Variants in CST1 observed in about 807,000 individuals in gnomAD.
CST1 encodes cystatin-SN.
A neutral mutation model predicts 10.7 loss-of-function variants in CST1; 19 were observed. The observed-to-expected ratio is 1.78, with a 90% CI of 1.24 to 2.61. The LOEUF is 2.61. CST1 is among the 30% of genes most tolerant of loss of function. The pLI is 0.00. For synonymous variants in CST1, 95 were observed against 72.8 expected, an observed-to-expected ratio of 1.31 and a Z score of -1.55; for missense variants, 247 against 178.1, an observed-to-expected ratio of 1.39 and a Z score of -2.20.
intron 1 of CST1, 58 bp downstream of exon 1, chr20:23,750,581 G>C (rs1982803426): frequency 6.8e-7 from 1 of 1,465,510 alleles, no homozygotes; most frequent in Admixed American, 1.7e-5. Context: ...ATGCTCTTGG[G>C]GGTTGGGGAA....
rs935112598 is a variant in CST1, at chr20:23,748,023, C to T, written c.343-124G>A. On this transcript the variant is annotated intron_variant, in intron 2 of 2. Transcript: ENST00000304749. ...GTGAGACACTGGGCCCTCACCCACC[C>T]CTACTGAGTCCCAGAGTGCTGAACT... The T allele has an allele frequency of 3.0e-5, 27 of 887,354 alleles. No homozygotes were observed. In the Admixed American group the frequency reaches 5.3e-4, roughly 17 times the overall value. The allele number at this position is 887,354 out of a possible 1,614,324, so 55.0% of individuals were successfully genotyped here. A position where few individuals can be genotyped will look rare whatever the true frequency, so the allele number is the denominator to read the frequency against.
chr20:23,748,398 T>C (rs1282861506), intron 2 of CST1, among the ~76,000 whole-genome samples: 1 of 152,106 alleles, frequency 6.6e-6, no homozygotes, highest in Non-Finnish European at 1.5e-5. Flanking sequence ...GAGAGGCTGG[T>C]GTTGGGTGAG....
Position 23,747,667 on chromosome 20 carries a change from C to A in CST1, c.*149G>T, listed in dbSNP as rs1212996275. On this transcript the variant is annotated 3_prime_UTR_variant, in exon 3 of 3. Transcript: ENST00000304749. ...GAGGGCAGAGCGCCCTGCTGAGCAA[C>A]AAAGGACTCCTGCAGCCTTCTCTGT... The A allele has an allele frequency of 1.4e-6, 1 of 698,728 alleles. No homozygotes were observed. The highest frequency in any genetic ancestry group is 2.5e-6 in the Non-Finnish European group (1 of 406,676). The allele number at this position is 698,728 out of a possible 1,614,324, so 43.3% of individuals were successfully genotyped here.
In CST1 at chr20:23,750,812, G is replaced by C; in HGVS notation, c.55C>G (p.Leu19Val). The part of the protein sequence containing the change: ...LLLLATLAVA[L>V]AWSPKEEDRI... The stretch of plus-strand genomic sequence containing the variant: ...TCCTCCTCCTTGGGGCTCCAGGCCA[G>C]GGCCACAGCTAGGGTGGCCAGCAGG... Residue 19 changes from leucine to valine, a missense_variant, in exon 1 of 3, where the codon CTG becomes GTG. Coordinates refer to ENST00000304749, the MANE Select transcript of CST1 (RefSeq NM_001898.3). 2 of 1,614,106 alleles carry C rather than the reference G, an allele frequency of 1.2e-6. No homozygotes were observed. Among genetic ancestry groups the C allele is most frequent in the Non-Finnish European group, 1.7e-6 (2 of 1,179,992 alleles).
chr20:23,750,029 T>C (rs1224798931), intron 1 of CST1, among the ~76,000 whole-genome samples: 1 of 151,834 alleles, frequency 6.6e-6, no homozygotes, highest in Non-Finnish European at 1.5e-5. Flanking sequence ...GTTGCCCTGC[T>C]GAAGCTCCCT....
At position 23,750,820 on chromosome 20, in the gene CST1, G is replaced by T. The variant is rs1340223133; in HGVS notation, c.47C>A (p.Ala16Asp). ...CTTGGGGCTCCAGGCCAGGGCCACAGCTAGGGTGGCCAGCAGGAGCAGCAG... is the reference window on the plus strand; with the variant it reads ...CTTGGGGCTCCAGGCCAGGGCCACATCTAGGGTGGCCAGCAGGAGCAGCAG... ...STLLLLLATL[A>D]VALAWSPKEE... Residue 16 changes from alanine to aspartate, a missense_variant, in exon 1 of 3, where the codon GCT becomes GAT. Coordinates refer to ENST00000304749, the MANE Select transcript of CST1 (RefSeq NM_001898.3). 1.9e-6 allele frequency: 3 copies of T among 1,613,876 alleles called. No homozygotes were observed. In the East Asian group the frequency reaches 6.7e-5, roughly 36 times the overall value.
chr20:23,749,045 C>T lies in CST1; in HGVS notation c.313G>A (p.Ala105Thr). 1 of 1,614,168 alleles carries T rather than the reference C, an allele frequency of 6.2e-7. No individual in the cohort carries two copies. Among genetic ancestry groups the T allele is most frequent in the Non-Finnish European group, 8.5e-7 (1 of 1,180,040 alleles). Reference protein sequence around the residue: ...TKSQPNLDTCAFHEQPELQKK... With the variant: ...TKSQPNLDTCTFHEQPELQKK... ...TGCAGTTCTGGCTGTTCATGGAAGGCACAGGTGTCCAAGTTGGGCTGGGAC... is the reference window on the plus strand; with the variant it reads ...TGCAGTTCTGGCTGTTCATGGAAGGTACAGGTGTCCAAGTTGGGCTGGGAC... Residue 105 changes from alanine (A) to threonine (T), a missense_variant, in exon 2 of 3, where the codon GCC becomes ACC. Coordinates refer to ENST00000304749, the MANE Select transcript of CST1 (RefSeq NM_001898.3).
Position 23,749,122 on chromosome 20 carries a change from C to T in CST1, c.236G>A (p.Gly79Glu), listed in dbSNP as rs112232806. ...TACGTCGAAGAAGTAATTCACCCCC[C>T]CAACGGTCTGCACACAGGAGAAAAC... The part of the protein sequence containing the change: ...RVLRARQQTV[G>E]GVNYFFDVEV... Residue 79 changes from glycine (G) to glutamate (E), a missense_variant, in exon 2 of 3, where the codon GGG (glycine) becomes GAG (glutamate). Physicochemically the swap from Gly to Glu is moderately conservative, Grantham distance 98. Transcript: ENST00000304749. The T allele has an allele frequency of 5.0e-5, 80 of 1,614,050 alleles. No individual in the cohort carries two copies. Among genetic ancestry groups the T allele is most frequent in the Middle Eastern group, 3.3e-4 (2 of 6,084 alleles).
At position 23,748,048 on chromosome 20, in the gene CST1, T is replaced by TCCC; in HGVS notation, c.343-150_343-149insGGG. 7.7e-6 allele frequency: 6 copies of TCCC among 775,206 alleles called. No individual in the cohort carries two copies. In the Middle Eastern group the frequency reaches 7.1e-4, roughly 91 times the overall value. 48.0% of individuals were successfully genotyped at this position (775,206 alleles called of 1,614,324 possible). On this transcript the variant is annotated intron_variant, in intron 2 of 2. Coordinates refer to ENST00000304749, the MANE Select transcript of CST1 (RefSeq NM_001898.3). The stretch of plus-strand genomic sequence containing the variant: ...CCTACTGAGTCCCAGAGTGCTGAAC[T>TCCC]AGAATGAATAGTGACTGTTCCATTG...
Position 23,750,177 on chromosome 20 carries a change from T to A in CST1, c.228+462A>T, listed in dbSNP as rs565745608. The stretch of plus-strand genomic sequence containing the variant: ...CTCAGCGCCCTGGGCTGTAGGGGTT[T>A]GTCAGCCGGCCTGAGGGTGAAGGCC... On this transcript the variant is annotated intron_variant, in intron 1 of 2. Transcript: ENST00000304749. Among the ~76,000 whole-genome samples, 122 of 152,200 alleles carry A rather than the reference T, an allele frequency of 8.0e-4. 1 individual carries two copies. The highest frequency in any genetic ancestry group is 1.6e-3 in the Non-Finnish European group (107 of 67,998).
intron 1 of CST1, 91 bp downstream of exon 1, chr20:23,750,548 G>A: frequency 2.7e-6 from 3 of 1,119,252 alleles, no homozygotes; most frequent in East Asian, 4.8e-5. Context: ...GATCATGAAT[G>A]TATCAGTGTT....
chr20:23,749,596 C>A lies in CST1; in HGVS notation c.229-467G>T, dbSNP rs145278724. 4.1e-3 allele frequency among the ~76,000 whole-genome samples: 622 copies of A among 152,194 alleles called. 3 individuals carry two copies. Among genetic ancestry groups the A allele is most frequent in the African/African-American group, 0.014 (588 of 41,512 alleles). ...ATTTCTCAAGTCAGCAGCACACCTG[C>A]GTGTCTTACAGTTGCAGATTAGAAT... is the stretch of plus-strand genomic sequence containing the variant. On this transcript the variant is annotated intron_variant, in intron 1 of 2. Coordinates refer to ENST00000304749, the MANE Select transcript of CST1 (RefSeq NM_001898.3).
intron 2 of CST1, among the ~76,000 whole-genome samples, chr20:23,748,411 G>T (rs1292667887): frequency 6.6e-6 from 1 of 152,060 alleles, no homozygotes; most frequent in Non-Finnish European, 1.5e-5. Flanking sequence ...TGGGTGAGCC[G>T]GGCAGGTCCA....
rs142226596 is a variant in CST1 at position 23,748,789 on chromosome 20, T to G, written c.342+227A>C. Among the ~76,000 whole-genome samples the G allele has an allele frequency of 3.3e-3, 494 of 151,128 alleles. 2 individuals are homozygous for G. The highest frequency in any genetic ancestry group is 0.011 in the African/African-American group (468 of 41,164). ...ACAGGCACACATGCTCCCATCCACC[T>G]CCCTGCACACACTGGCACAGGTGTG... On this transcript the variant is annotated intron_variant, in intron 2 of 2. Coordinates refer to ENST00000304749, the MANE Select transcript of CST1 (RefSeq NM_001898.3).
rs373118474 is a variant in CST1 at position 23,747,798 on chromosome 20, A to C, written c.*18T>G. The C allele has an allele frequency of 1.7e-4, 273 of 1,612,174 alleles. No individual in the cohort carries two copies. The highest frequency in any genetic ancestry group is 3.7e-4 in the African/African-American group (28 of 74,970). Reference sequence around the variant, plus strand: ...TGGGAGTGGGTGGTGGCTGGTGCGAATGGCCTGGCACAGATCCCTAGGATT... The same window carrying C: ...TGGGAGTGGGTGGTGGCTGGTGCGACTGGCCTGGCACAGATCCCTAGGATT... On this transcript the variant is annotated 3_prime_UTR_variant, in exon 3 of 3. Coordinates refer to ENST00000304749, the MANE Select transcript of CST1 (RefSeq NM_001898.3).
chr20:23,749,014 A>G lies in CST1; in HGVS notation c.342+2T>C. 6.2e-7 allele frequency: 1 copy of G among 1,614,124 alleles called. No homozygotes were observed. Among genetic ancestry groups the G allele is most frequent in the Non-Finnish European group, 8.5e-7 (1 of 1,180,018 alleles). On this transcript the variant is annotated splice_donor_variant, in intron 2 of 2. Transcript: ENST00000304749. LOFTEE classifies it high-confidence loss of function. The stretch of plus-strand genomic sequence containing the variant: ...GGCCCGGGACCTGCATCAGGAACGT[A>G]CCTTCTGCAGTTCTGGCTGTTCATG...
In CST1 at chr20:23,747,653, G is replaced by T. The variant is rs541127496; in HGVS notation, c.*163C>A. 1.9e-5 allele frequency: 12 copies of T among 641,396 alleles called. No homozygotes were observed. Among genetic ancestry groups the T allele is most frequent in the Middle Eastern group, 4.2e-4 (1 of 2,356 alleles). The allele number at this position is 641,396 out of a possible 1,614,324, so 39.7% of individuals were successfully genotyped here. On this transcript the variant is annotated 3_prime_UTR_variant, in exon 3 of 3. Transcript: ENST00000304749. ...AAGAAGGAAGGAGGGAGGGCAGAGC[G>T]CCCTGCTGAGCAACAAAGGACTCCT...
rs1982696556 is a variant in CST1, at chr20:23,747,642, G to A, written c.*174C>T. On this transcript the variant is annotated 3_prime_UTR_variant, in exon 3 of 3. Transcript: ENST00000304749. ...CTATTAGAAGCAAGAAGGAAGGAGG[G>A]AGGGCAGAGCGCCCTGCTGAGCAAC... 1 of 620,026 alleles carries A rather than the reference G, an allele frequency of 1.6e-6. No individual in the cohort carries two copies. The highest frequency in any genetic ancestry group is 2.9e-6 in the Non-Finnish European group (1 of 347,294). 38.4% of individuals were successfully genotyped at this position (620,026 alleles called of 1,614,324 possible).
At chr20:23,749,403 CT>C (rs1165214301) in intron 1 of CST1, among the ~76,000 whole-genome samples, 4 of 152,200 alleles carry the variant, frequency 2.6e-5, no homozygotes, top group African/African-American at 4.8e-5. Flanking sequence ...TCTAGGAAGT[CT>C]GTCTGATGAC....
Sources: gnomAD v4.1 joint callset for allele counts (sites outside exome capture counted in the v4.1 genomes callset) on GRCh38, gnomAD v4.1.1 for gene constraint, MANE v1.5 for transcripts, NCBI Gene and HGNC (gene_info 2026-07-23, HGNC 2026-07-21) for gene names.